Variants in ICA1L observed in about 807,000 individuals in gnomAD.
ICA1L encodes the protein islet cell autoantigen 1-like protein.
A neutral mutation model predicts 61.3 loss-of-function variants in ICA1L; 50 were observed. The ratio of observed to expected loss-of-function variants is 0.82; its 90% CI spans 0.65 to 1.03. The LOEUF (loss-of-function observed/expected upper bound fraction) is 1.03, where lower values mean the gene tolerates loss of function less well. Among genes scored for constraint, ICA1L ranks in the 50% least tolerant of loss-of-function variants. ICA1L has a pLI of 0.00. For synonymous variants in ICA1L, 161 were observed against 191.3 expected (o/e 0.84, Z 1.31); for missense variants, 508 against 556.7 (o/e 0.91, Z 0.88).
intron 1 of ICA1L, among the ~76,000 whole-genome samples, chr2:202,830,025 CAAAT>C (rs1398658555): frequency 6.6e-6 from 1 of 152,084 alleles, no homozygotes; most frequent in Non-Finnish European, 1.5e-5. Flanking sequence ...TAAATCAACA[CAAAT>C]AAAGTCCTTA....
chr2:202,825,634 T>A (rs1222602181), intron 3 of ICA1L, 61 bp downstream of exon 3: 4 of 1,337,276 alleles, frequency 3.0e-6, no homozygotes, highest in East Asian at 2.5e-5. Context: ...TCTTTCATTT[T>A]AAAAAATGCT....
At chr2:202,816,208 C>T (rs1453061488) in intron 6 of ICA1L, among the ~76,000 whole-genome samples, 199 bp from the exon 7 acceptor site, 9 of 152,262 alleles carry the variant, frequency 5.9e-5, no homozygotes, top group Admixed American at 2.0e-4. Flanking sequence ...TGTGTCTGCA[C>T]GTGTGGGAGT....
At chr2:202,843,447 T>G (rs1478112294) in intron 1 of ICA1L, among the ~76,000 whole-genome samples, 1 of 152,198 alleles carries the variant, frequency 6.6e-6, no homozygotes, top group African/African-American at 2.4e-5. Flanking sequence ...GTTGGGGTCT[T>G]TGGTGGCAAT....
At chr2:202,857,588 C>G (rs1363809001) in intron 1 of ICA1L, among the ~76,000 whole-genome samples, 1 of 152,136 alleles carries the variant, frequency 6.6e-6, no homozygotes, top group East Asian at 1.9e-4. Context: ...GACGAAAACA[C>G]CAAAAGCAAT....
chr2:202,787,400 T>C (rs542978896), intron 11 of ICA1L, among the ~76,000 whole-genome samples: 9 of 152,330 alleles, frequency 5.9e-5, no homozygotes, highest in Non-Finnish European at 1.2e-4. Context: ...TGAAATCAGT[T>C]TGTAAATCTT....
intron 1 of ICA1L, among the ~76,000 whole-genome samples, chr2:202,855,345 A>C (rs1437433618): frequency 6.6e-6 from 1 of 152,212 alleles, no homozygotes; most frequent in Non-Finnish European, 1.5e-5. Flanking sequence ...CTCCAAAAAA[A>C]TCAACGAATC....
chr2:202,853,984 C>T (rs1257360723), intron 1 of ICA1L, among the ~76,000 whole-genome samples: 1 of 152,162 alleles, frequency 6.6e-6, no homozygotes, highest in Non-Finnish European at 1.5e-5. Flanking sequence ...ACTGCATCAA[C>T]TAATGTGCAA....
intron 11 of ICA1L, 78 bp downstream of exon 11, chr2:202,788,752 T>TGC: frequency 6.9e-7 from 1 of 1,448,354 alleles, no homozygotes; most frequent in South Asian, 1.2e-5. Flanking sequence ...TTGTTGGTTC[T>TGC]AGCATCAATA....
At chr2:202,847,613 A>G (rs1694498701) in intron 1 of ICA1L, among the ~76,000 whole-genome samples, 1 of 149,468 alleles carries the variant, frequency 6.7e-6, no homozygotes, top group South Asian at 2.1e-4. Context: ...CTTGGAATAG[A>G]AATTGCTGGC....
At chr2:202,871,206 G>C (rs867386285) in intron 1 of ICA1L, 1 of 152,244 alleles carries the variant, frequency 6.6e-6, no homozygotes, top group East Asian at 1.9e-4. Context: ...GGCTGTTCGG[G>C]TGATCCGCCG....
intron 2 of ICA1L, among the ~76,000 whole-genome samples, chr2:202,826,892 A>G (rs780536048): frequency 6.6e-6 from 1 of 152,160 alleles, no homozygotes; most frequent in Non-Finnish European, 1.5e-5. Flanking sequence ...ATCATCAAGA[A>G]GCCTGAACAT....
intron 1 of ICA1L, among the ~76,000 whole-genome samples, chr2:202,839,371 C>A (rs938132401): frequency 4.6e-5 from 7 of 151,828 alleles, no homozygotes; most frequent in Non-Finnish European, 7.4e-5. Flanking sequence ...TGGTGGCAGG[C>A]ACCTGTAGTC....
chr2:202,849,079 G>C lies in ICA1L; in HGVS notation c.-7-20063C>G, dbSNP rs1208722642. On this transcript the variant is annotated intron_variant, in intron 1 of 12. Coordinates refer to ENST00000358299, the MANE Select transcript of ICA1L (RefSeq NM_001288622.3). The surrounding 1 kb of genome is among the most constrained non-coding windows in gnomAD (Gnocchi z 4.5). Reference sequence around the variant, plus strand: ...CAGCCAAGGGAAGCCACGAGGGACTGTGCTGTCTGGCCCAGATACTATGCT... The same window carrying C: ...CAGCCAAGGGAAGCCACGAGGGACTCTGCTGTCTGGCCCAGATACTATGCT... 6.6e-6 allele frequency among the ~76,000 whole-genome samples: 1 copy of C among 152,142 alleles called. No homozygotes were observed. The highest frequency in any genetic ancestry group is 1.5e-5 in the Non-Finnish European group (1 of 68,016).
intron 1 of ICA1L, chr2:202,869,705 TA>T (rs1687640427): frequency 6.6e-6 from 1 of 152,172 alleles, no homozygotes; most frequent in African/African-American, 2.4e-5. Context: ...TCAACTAAAT[TA>T]AAAAAGGAAT....
At position 202,788,886 on chromosome 2, in the gene ICA1L, C is replaced by T. The variant is rs138356872; in HGVS notation, c.1187G>A (p.Arg396Gln). The T allele has an allele frequency of 1.3e-4, 206 of 1,614,058 alleles. 5 individuals carry two copies. Among genetic ancestry groups the T allele is most frequent in the East Asian group, 6.7e-4 (30 of 44,882 alleles). The part of the protein sequence containing the change: ...MGSEPLAHSS[R>Q]FLPSQLFDLG... ...GTCAAAGAGTTGTGAAGGAAGGAAT[C>T]GAGAAGAATGAGCGAGGGGCTCAGA... is the stretch of plus-strand genomic sequence containing the variant. The change falls in exon 11 of 13, where the codon CGA (arginine) becomes CAA (glutamine). Residue 396 changes from arginine to glutamine, a missense_variant. By Grantham distance (43) the Arg-to-Gln change is conservative (BLOSUM62 1). Transcript: ENST00000358299.
chr2:202,786,551 G>GTC (rs1301307374), intron 11 of ICA1L: 1 of 194,452 alleles, frequency 5.1e-6, no homozygotes, highest in African/African-American at 3.5e-5. Context: ...GCGAGACTCC[G>GTC]TCTCAAAAAA....
At chr2:202,812,762 G>T (rs1395830831) in intron 8 of ICA1L, among the ~76,000 whole-genome samples, 2 of 152,048 alleles carry the variant, frequency 1.3e-5, no homozygotes, top group African/African-American at 4.8e-5. Context: ...GACCTGAAAT[G>T]AAATTTTCCC....
chr2:202,790,304 GAA>G (rs1692707689), intron 10 of ICA1L, among the ~76,000 whole-genome samples: 1 of 152,160 alleles, frequency 6.6e-6, no homozygotes, highest in Admixed American at 6.5e-5. Flanking sequence ...CATAATTGGT[GAA>G]AGTTATTTTT....
intron 1 of ICA1L, among the ~76,000 whole-genome samples, chr2:202,852,203 C>T (rs1694645309): frequency 6.6e-6 from 1 of 152,064 alleles, no homozygotes; most frequent in Non-Finnish European, 1.5e-5. Flanking sequence ...TCAGTCTTTA[C>T]TATTTATGTG....
Sources: gnomAD v4.1 joint callset for allele counts (sites outside exome capture counted in the v4.1 genomes callset) on GRCh38, gnomAD v4.1.1 for gene constraint, Gnocchi (gnomAD v3.1) non-coding constraint, MANE v1.5 for transcripts, NCBI Gene and HGNC (gene_info 2026-07-23, HGNC 2026-07-21) for gene names.